Variants in MCM9 observed in about 807,000 individuals in gnomAD.
MCM9 encodes minichromosome maintenance 9 homologous recombination repair factor, also known as DNA helicase MCM9.
A neutral mutation model predicts 72.8 loss-of-function variants in MCM9; 55 were observed. That is an observed-to-expected ratio of 0.76 (90% CI 0.61 to 0.95). The LOEUF (loss-of-function observed/expected upper bound fraction) is 0.95, where lower values mean the gene tolerates loss of function less well. Among genes scored for constraint, MCM9 ranks in the 40% least tolerant of loss-of-function variants. MCM9 has a pLI of 0.00. For missense variants in MCM9, 1,279 were observed against 1,377.0 expected (o/e 0.93, Z 1.13); for synonymous variants, 480 against 503.4 (o/e 0.95, Z 0.62).
At chr6:118,911,573 T>C in intron 8 of MCM9, 77 bp downstream of exon 8, 1 of 1,522,648 alleles carries the variant, frequency 6.6e-7, no homozygotes. Context: ...CTATTATAGG[T>C]AGTTTTTCAT....
chr6:118,888,006 G>A (rs1386561092), intron 8 of MCM9, among the ~76,000 whole-genome samples: 1 of 151,964 alleles, frequency 6.6e-6, no homozygotes, highest in East Asian at 1.9e-4. Context: ...ATATACATAG[G>A]GCCAATAAGC....
intron 8 of MCM9, chr6:118,905,571 T>A: frequency 8.8e-7 from 1 of 1,137,648 alleles, no homozygotes; most frequent in Non-Finnish European, 1.2e-6. Flanking sequence ...CTGATGGTTC[T>A]AGGTAACTGA....
chr6:118,857,780 A>C (rs921973817), intron 8 of MCM9, among the ~76,000 whole-genome samples: 5 of 152,140 alleles, frequency 3.3e-5, no homozygotes, highest in Non-Finnish European at 5.9e-5. Context: ...AAAATAGTCA[A>C]ATTTTTTTGA....
chr6:118,841,693 C>A (rs535608587), intron 9 of MCM9, among the ~76,000 whole-genome samples: 2 of 152,310 alleles, frequency 1.3e-5, no homozygotes, highest in South Asian at 4.1e-4. Context: ...GTTTACTTGC[C>A]TGTCTTGTTA....
intron 3 of MCM9, among the ~76,000 whole-genome samples, chr6:118,926,810 G>A (rs1461398279): frequency 6.6e-6 from 1 of 152,094 alleles, no homozygotes; most frequent in Non-Finnish European, 1.5e-5. Flanking sequence ...TAGAACTGCT[G>A]GGTCACATGG....
chr6:118,857,245 C>T (rs1407082605), intron 8 of MCM9, among the ~76,000 whole-genome samples: 2 of 152,160 alleles, frequency 1.3e-5, no homozygotes, highest in South Asian at 2.1e-4. Context: ...GTAATTATTA[C>T]ATTCCAATGA....
intron 9 of MCM9, among the ~76,000 whole-genome samples, chr6:118,843,595 T>TC (rs1775550617): frequency 1.1e-5 from 1 of 87,974 alleles, no homozygotes; most frequent in African/African-American, 3.5e-5. Flanking sequence ...GCCACTGCAC[T>TC]CAACAAGAGT....
chr6:118,815,802 G>C lies in MCM9; in HGVS notation c.2454C>G (p.Asn818Lys). The C allele has an allele frequency of 6.5e-7, 1 of 1,538,200 alleles. No homozygotes were observed. Among genetic ancestry groups the C allele is most frequent in the Middle Eastern group, 1.7e-4 (1 of 5,982 alleles). Residue 818 changes from asparagine (N) to lysine (K), a missense_variant, in exon 14 of 14, where the codon AAC becomes AAG. Asn to Lys is a moderately conservative substitution (Grantham distance 94, BLOSUM62 0). Coordinates refer to ENST00000619706, the MANE Select transcript of MCM9 (RefSeq NM_017696.3). ...AATCTAGTGCTAGCCTTTTTTTCTT[G>C]TTACTTTCCACATTGTCTGCCCTCC... is the stretch of plus-strand genomic sequence containing the variant. ...VPWRADNVES[N>K]KKKRLALDSE...
intron 8 of MCM9, among the ~76,000 whole-genome samples, chr6:118,864,436 G>A (rs556280370): frequency 3.3e-5 from 5 of 152,090 alleles, no homozygotes; most frequent in African/African-American, 1.2e-4. Flanking sequence ...CAGCAACATG[G>A]CAGAACAGGA....
chr6:118,826,821 G>A lies in MCM9; in HGVS notation c.1776C>T (p.Asp592=), dbSNP rs764235026. 113 of 1,550,210 alleles carry A rather than the reference G, an allele frequency of 7.3e-5. No homozygotes were observed. The highest frequency in any genetic ancestry group is 1.2e-4 in the East Asian group (5 of 40,912). Residue 592 remains aspartate (D), a synonymous_variant, in exon 12 of 14, where the codon GAC becomes GAT. Transcript: ENST00000619706. The part of the protein sequence containing the change: ...LMFRDTVTLE[D]AITVVSVMES... ...CCATGACTGACACCACCGTAATAGC[G>A]TCTTCCAGAGTTACAGTATCACGAA...
intron 4 of MCM9, among the ~76,000 whole-genome samples, chr6:118,923,006 T>C (rs1329921315): frequency 8.4e-6 from 1 of 118,980 alleles, no homozygotes; most frequent in Admixed American, 1.2e-4. Context: ...CACTCCAGCC[T>C]GGGCAACAGT....
At chr6:118,845,521 A>G (rs1035498174) in intron 9 of MCM9, among the ~76,000 whole-genome samples, 3 of 151,834 alleles carry the variant, frequency 2.0e-5, no homozygotes, top group African/African-American at 7.3e-5. Context: ...GCTCTTTTAA[A>G]AAAATTTTTT....
At chr6:118,897,660 T>C (rs975554750) in intron 8 of MCM9, among the ~76,000 whole-genome samples, 3 of 152,210 alleles carry the variant, frequency 2.0e-5, no homozygotes, top group African/African-American at 7.2e-5. Flanking sequence ...CAAATGTAAA[T>C]ACTTTCAGGC....
chr6:118,893,965 GC>G, intron 8 of MCM9: 1 of 910,820 alleles, frequency 1.1e-6, no homozygotes, highest in African/African-American at 2.0e-5. Flanking sequence ...CGCCCCCTCC[GC>G]CCCTCTCCGC....
intron 3 of MCM9, among the ~76,000 whole-genome samples, chr6:118,926,657 G>C (rs959233471): frequency 6.6e-6 from 1 of 151,994 alleles, no homozygotes; most frequent in Non-Finnish European, 1.5e-5. Context: ...TAGATATACC[G>C]TATTTTGTTT....
At chr6:118,924,201 A>ATT in intron 3 of MCM9, 74 bp from the exon 4 acceptor site, 1 of 1,301,790 alleles carries the variant, frequency 7.7e-7, no homozygotes, top group South Asian at 1.5e-5. Flanking sequence ...TTCTTCTCCT[A>ATT]TTTCCTGAAA....
chr6:118,884,398 C>T (rs1243583321), intron 8 of MCM9, among the ~76,000 whole-genome samples: 1 of 151,504 alleles, frequency 6.6e-6, no homozygotes, highest in Non-Finnish European at 1.5e-5. Context: ...AGCCCTATAA[C>T]AACCACTAAG....
intron 8 of MCM9, among the ~76,000 whole-genome samples, chr6:118,869,211 G>T (rs1395703518): frequency 6.6e-6 from 1 of 152,062 alleles, no homozygotes; most frequent in Admixed American, 6.5e-5. Context: ...ACTGAACAAT[G>T]AGAACACTTG....
intron 4 of MCM9, 32 bp downstream of exon 4, chr6:118,923,779 A>C (rs1781634710): frequency 6.3e-7 from 1 of 1,592,050 alleles, no homozygotes; most frequent in East Asian, 2.2e-5. Flanking sequence ...CACTTCTTCA[A>C]ATTTATTTAT....
Sources: gnomAD v4.1 joint callset for allele counts (sites outside exome capture counted in the v4.1 genomes callset) on GRCh38, gnomAD v4.1.1 for gene constraint, MANE v1.5 for transcripts, NCBI Gene and HGNC (gene_info 2026-07-23, HGNC 2026-07-21) for gene names.